TRPC4: variants seen among roughly 807,000 people sequenced by gnomAD.
TRPC4 encodes transient receptor potential cation channel subfamily C member 4.
Under a neutral mutation model 99.4 loss-of-function variants are expected in TRPC4, and 49 were observed. That is an observed-to-expected ratio of 0.49 (90% CI 0.39 to 0.63). TRPC4 has a LOEUF of 0.63. TRPC4 is among the 20% of genes least tolerant of loss of function. The pLI, the probability that TRPC4 is intolerant of heterozygous loss-of-function variation, is 0.00. For synonymous variants in TRPC4, 454 were observed against 425.9 expected (o/e 1.07, Z -0.81); for missense variants, 898 against 1,152.9 (o/e 0.78, Z 3.20).
At chr13:37,753,926 GT>G (rs1956022307) in intron 2 of TRPC4, among the ~76,000 whole-genome samples, 1 of 152,036 alleles carries the variant, frequency 6.6e-6, no homozygotes, top group South Asian at 2.1e-4. Flanking sequence ...TTTCTTACTG[GT>G]TTTCCAGGGA....
chr13:37,667,894 C>T lies in TRPC4; in HGVS notation c.1375-4165G>A, dbSNP rs556196171. 4.6e-5 allele frequency among the ~76,000 whole-genome samples: 7 copies of T among 152,136 alleles called. No homozygotes were observed. In the South Asian group the frequency reaches 1.4e-3, roughly 32 times the overall value. On this transcript the variant is annotated intron_variant, in intron 5 of 10. Coordinates refer to ENST00000379705, the MANE Select transcript of TRPC4 (RefSeq NM_016179.4). ...CATTTCTCTAGAATGAATTTAAATT[C>T]CAATTATTTTGTTATTCATTCATCA...
intron 1 of TRPC4, among the ~76,000 whole-genome samples, chr13:37,801,824 G>C (rs1022474699): frequency 1.3e-5 from 2 of 152,030 alleles, no homozygotes; most frequent in African/African-American, 4.8e-5. Flanking sequence ...GGTAACATTT[G>C]AGCTGGATTT....
At chr13:37,766,444 T>C (rs1456189091) in intron 2 of TRPC4, among the ~76,000 whole-genome samples, 68 of 151,564 alleles carry the variant, frequency 4.5e-4, no homozygotes, top group Non-Finnish European at 4.4e-5. Context: ...TCAGGGATTT[T>C]CCCAAATTTG....
chr13:37,692,532 A>G (rs1953751695), intron 3 of TRPC4, among the ~76,000 whole-genome samples, 197 bp from the exon 4 acceptor site: 1 of 152,250 alleles, frequency 6.6e-6, no homozygotes, highest in African/African-American at 2.4e-5. Context: ...CCCAAGGCAC[A>G]GTATGACATG....
intron 1 of TRPC4, among the ~76,000 whole-genome samples, chr13:37,812,934 C>T (rs1003627097): frequency 3.6e-4 from 55 of 151,510 alleles, no homozygotes; most frequent in African/African-American, 8.5e-4. Flanking sequence ...AGATAAGCAA[C>T]GACAACTAAC....
At position 37,854,755 on chromosome 13, in the gene TRPC4, C is replaced by T. The variant is rs557011776; in HGVS notation, c.-28+14840G>A. ...CGAATTGAAAATCACACAACAGATA[C>T]CCTGAAAATACAAACCAAAAACTTA... is the stretch of plus-strand genomic sequence containing the variant. On this transcript the variant is annotated intron_variant, in intron 1 of 10. Transcript: ENST00000379705. 3 of 151,842 alleles carry T rather than the reference C, an allele frequency of 2.0e-5. No homozygotes were observed. The South Asian group carries it at 6.2e-4, about 31-fold the overall frequency. The allele number at this position is 151,842 out of a possible 1,614,324, so 9.4% of individuals were successfully genotyped here.
intron 1 of TRPC4, among the ~76,000 whole-genome samples, chr13:37,786,451 C>A (rs143742857): frequency 1.3e-5 from 2 of 151,688 alleles, no homozygotes; most frequent in South Asian, 4.2e-4. Context: ...ACTTGAGATG[C>A]GGGGATACTA....
chr13:37,664,878 C>A (rs1014447912), intron 5 of TRPC4, among the ~76,000 whole-genome samples: 3 of 152,118 alleles, frequency 2.0e-5, no homozygotes, highest in African/African-American at 7.2e-5. Flanking sequence ...TCTGGGGAGA[C>A]AATGTATTAT....
intron 8 of TRPC4, among the ~76,000 whole-genome samples, chr13:37,648,299 A>G (rs1358943226): frequency 1.3e-5 from 2 of 152,170 alleles, no homozygotes; most frequent in African/African-American, 4.8e-5. Flanking sequence ...ATTTATTTTC[A>G]TATAAACAAA....
At chr13:37,689,869 A>C (rs1272960354) in intron 4 of TRPC4, among the ~76,000 whole-genome samples, 1 of 152,218 alleles carries the variant, frequency 6.6e-6, no homozygotes, top group Non-Finnish European at 1.5e-5. Flanking sequence ...GTAAAATTTA[A>C]GCTTCATTAG....
chr13:37,677,506 CT>C (rs1166568062), intron 4 of TRPC4, among the ~76,000 whole-genome samples: 1 of 151,814 alleles, frequency 6.6e-6, no homozygotes, highest in Non-Finnish European at 1.5e-5. Context: ...GCTCCCGTGG[CT>C]ACATTAATAT....
At chr13:37,657,659 A>G (rs569389712) in intron 6 of TRPC4, among the ~76,000 whole-genome samples, 1 of 152,324 alleles carries the variant, frequency 6.6e-6, no homozygotes, top group East Asian at 1.9e-4. Context: ...AAACCCCATT[A>G]CAGGTTCTTT....
chr13:37,754,253 TCCTC>T (rs1956036830), intron 2 of TRPC4, among the ~76,000 whole-genome samples: 1 of 152,204 alleles, frequency 6.6e-6, no homozygotes, highest in East Asian at 1.9e-4. Flanking sequence ...ACGCAACTCT[TCCTC>T]CTTCCTTTTG....
At position 37,803,476 on chromosome 13, in the gene TRPC4, A is replaced by T. The variant is rs536870369; in HGVS notation, c.-27-20116T>A. Among the ~76,000 whole-genome samples the T allele has an allele frequency of 9.9e-5, 15 of 152,218 alleles. No homozygotes were observed. The South Asian group carries it at 2.5e-3, about 25-fold the overall frequency. On this transcript the variant is annotated intron_variant, in intron 1 of 10. Coordinates refer to ENST00000379705, the MANE Select transcript of TRPC4 (RefSeq NM_016179.4). ...CACACACAAAATCATTCTGATATTTAAAACTCCAGTCTATCACTACAGGGT... is the reference window on the plus strand; with the variant it reads ...CACACACAAAATCATTCTGATATTTTAAACTCCAGTCTATCACTACAGGGT...
intron 8 of TRPC4, among the ~76,000 whole-genome samples, chr13:37,640,627 C>G (rs1054845528): frequency 6.6e-6 from 1 of 152,104 alleles, no homozygotes; most frequent in African/African-American, 2.4e-5. Context: ...TAGAGAGCAG[C>G]TTGAAAAAGT....
intron 3 of TRPC4, among the ~76,000 whole-genome samples, chr13:37,745,460 A>ATATGCG (rs1555265756): frequency 2.0e-4 from 1 of 4,928 alleles, no homozygotes; most frequent in African/African-American, 4.3e-4. Context: ...ATATATATAT[A>ATATGCG]TATATATATA....
chr13:37,811,749 A>G (rs1957693756), intron 1 of TRPC4, among the ~76,000 whole-genome samples: 1 of 152,122 alleles, frequency 6.6e-6, no homozygotes, highest in African/African-American at 2.4e-5. Flanking sequence ...ACTTTCCAAA[A>G]CGGAAAAACC....
chr13:37,844,978 G>A (rs879904756), intron 1 of TRPC4, among the ~76,000 whole-genome samples: 1 of 152,162 alleles, frequency 6.6e-6, no homozygotes, highest in Non-Finnish European at 1.5e-5. Context: ...CTGCAAACCT[G>A]TCTGATCAGA....
At chr13:37,700,052 T>C (rs1954055193) in intron 3 of TRPC4, among the ~76,000 whole-genome samples, 2 of 152,188 alleles carry the variant, frequency 1.3e-5, no homozygotes, top group African/African-American at 4.8e-5. Flanking sequence ...ATAAATAATG[T>C]TCGTTCTTTG....
Sources: allele counts gnomAD v4.1 joint callset (sites outside exome capture counted in the v4.1 genomes callset), GRCh38; gene constraint gnomAD v4.1.1; transcripts MANE v1.5; gene names NCBI Gene and HGNC (gene_info 2026-07-23, HGNC 2026-07-21).